Variants in CDC14A observed in about 807,000 individuals in gnomAD.
The protein encoded by CDC14A is cell division cycle 14A.
CDC14A carries 53 observed loss-of-function variants against 74.4 expected under a neutral mutation model. That is an observed-to-expected ratio of 0.71 (90% CI 0.57 to 0.89). The LOEUF (loss-of-function observed/expected upper bound fraction) is 0.89. CDC14A is among the 40% of genes least tolerant of loss of function. The pLI is 0.00. For missense variants in CDC14A, 646 were observed against 713.7 expected, an observed-to-expected ratio of 0.91 and a Z score of 1.08; for synonymous variants, 247 against 258.4, an observed-to-expected ratio of 0.96 and a Z score of 0.43.
Position 100,352,723 on chromosome 1 carries a change from G to T in CDC14A, c.-232G>T. On this transcript the variant is annotated 5_prime_UTR_variant, in exon 1 of 16. Transcript: ENST00000336454. ...TCCAAATAGGAGCGGCCACAGCCAG[G>T]GGCGTGAGCGCCCCGCGCGGAGCGA... 1 of 1,390,926 alleles carries T rather than the reference G, an allele frequency of 7.2e-7. No homozygotes were observed. The highest frequency in any genetic ancestry group is 9.3e-7 in the Non-Finnish European group (1 of 1,077,364). The allele number at this position is 1,390,926 out of a possible 1,614,324, so 86.2% of individuals were successfully genotyped here.
At chr1:100,363,938 C>T (rs1653166175) in intron 2 of CDC14A, among the ~76,000 whole-genome samples, 1 of 152,056 alleles carries the variant, frequency 6.6e-6, no homozygotes, top group East Asian at 1.9e-4. Flanking sequence ...GCAGATTGCT[C>T]GAGCAACATG....
intron 8 of CDC14A, among the ~76,000 whole-genome samples, chr1:100,458,529 C>T (rs757304588): frequency 6.6e-6 from 1 of 152,102 alleles, no homozygotes; most frequent in Non-Finnish European, 1.5e-5. Flanking sequence ...TAAAATATTG[C>T]TATTTTACTG....
At chr1:100,475,820 C>T (rs779093985) in intron 10 of CDC14A, among the ~76,000 whole-genome samples, 28 of 152,134 alleles carry the variant, frequency 1.8e-4, no homozygotes, top group Non-Finnish European at 2.9e-4. Flanking sequence ...CTGGTCACTG[C>T]CTGGTTGAGG....
At chr1:100,447,047 A>G (rs1665626335) in intron 7 of CDC14A, among the ~76,000 whole-genome samples, 2 of 152,132 alleles carry the variant, frequency 1.3e-5, no homozygotes, top group Admixed American at 1.3e-4. Flanking sequence ...GACTAGCCAT[A>G]TTTCAAGTGC....
At position 100,498,093 on chromosome 1, in the gene CDC14A, C is replaced by T; in HGVS notation, c.1307C>T (p.Ser436Leu). Residue 436 changes from serine (S) to leucine (L), a missense_variant, in exon 14 of 16, where the codon TCA becomes TTA. Physicochemically the swap from Ser to Leu is moderately radical, Grantham distance 145. Coordinates refer to ENST00000336454, the MANE Select transcript of CDC14A (RefSeq NM_003672.4). ...RAVSQPFRLS[S>L]SLQGSAVTLK... ...CATTTTTCTCCGCAAAGATTAAGTT[C>T]ATCCCTGCAAGGATCTGCAGTTACT... 1.2e-6 allele frequency: 2 copies of T among 1,612,086 alleles called. No homozygotes were observed. Among genetic ancestry groups the T allele is most frequent in the Non-Finnish European group, 1.7e-6 (2 of 1,179,458 alleles).
chr1:100,474,178 T>G (rs555609173), intron 10 of CDC14A, among the ~76,000 whole-genome samples: 1 of 152,358 alleles, frequency 6.6e-6, no homozygotes, highest in South Asian at 2.1e-4. Context: ...GAAGAAGGCT[T>G]ATGTCCCTGG....
intron 8 of CDC14A, among the ~76,000 whole-genome samples, chr1:100,459,942 A>G (rs1375347703): frequency 3.3e-5 from 5 of 152,212 alleles, no homozygotes; most frequent in Non-Finnish European, 5.9e-5. Context: ...TCATGTTCAT[A>G]TCATGTTCTC....
chr1:100,503,242 A>C (rs1648938912), intron 15 of CDC14A, among the ~76,000 whole-genome samples: 1 of 152,224 alleles, frequency 6.6e-6, no homozygotes, highest in South Asian at 2.1e-4. Flanking sequence ...AAATAAGATC[A>C]TACTTCTAGT....
rs766573719 is a variant in CDC14A at position 100,499,188 on chromosome 1, C to T, written c.1681C>T (p.His561Tyr). Reference protein sequence around the residue: ...PGPHSAKTEEHTTILRPSYTG... With the variant: ...PGPHSAKTEEYTTILRPSYTG... ...CCCCCACAGCGCCAAGACAGAGGAG[C>T]ACACCACCATCCTCCGACCCTCCTA... Residue 561 changes from histidine (H) to tyrosine (Y), a missense_variant, in exon 15 of 16, where the codon CAC (histidine) becomes TAC (tyrosine). Transcript: ENST00000336454. The T allele has an allele frequency of 6.2e-7, 1 of 1,614,148 alleles. No homozygotes were observed. Among genetic ancestry groups the T allele is most frequent in the South Asian group, 1.1e-5 (1 of 91,074 alleles).
intron 5 of CDC14A, among the ~76,000 whole-genome samples, chr1:100,437,606 GC>G (rs1274238747): frequency 1.3e-5 from 2 of 152,126 alleles, no homozygotes; most frequent in African/African-American, 4.8e-5. Context: ...CTGTCGGATG[GC>G]ATGTTAACTT....
chr1:100,488,430 C>G (rs907390658), intron 11 of CDC14A, among the ~76,000 whole-genome samples: 1 of 152,174 alleles, frequency 6.6e-6, no homozygotes, highest in African/African-American at 2.4e-5. Flanking sequence ...CTCAGCCACC[C>G]TCCCGGGAGG....
At chr1:100,505,047 C>CAAATTT in intron 15 of CDC14A, 1 of 1,027,758 alleles carries the variant, frequency 9.7e-7, no homozygotes, top group South Asian at 2.2e-5. Context: ...GAATTGTCTC[C>CAAATTT]AAATTTAAAC....
At chr1:100,418,053 T>C (rs760273807) in intron 4 of CDC14A, among the ~76,000 whole-genome samples, 4 of 152,186 alleles carry the variant, frequency 2.6e-5, no homozygotes, top group Non-Finnish European at 5.9e-5. Context: ...TGTGTGACCT[T>C]GAGCAACTAA....
Position 100,390,742 on chromosome 1 carries a change from T to G in CDC14A, c.227T>G (p.Leu76Trp), listed in dbSNP as rs1224374307. Reference protein sequence around the residue: ...KLNKKLKSYSLSRKKIVHYTC... With the variant: ...KLNKKLKSYSWSRKKIVHYTC... ...ATCTCCTCTTTCTAGTCATACAGTT[T>G]GTCAAGAAAGAAAATAGTGCACTAC... The change falls in exon 4 of 16, where the codon TTG becomes TGG. Residue 76 changes from leucine to tryptophan, a missense_variant. Physicochemically the swap from Leu to Trp is moderately conservative, Grantham distance 61. Coordinates refer to ENST00000336454, the MANE Select transcript of CDC14A (RefSeq NM_003672.4). 3 of 1,609,386 alleles carry G rather than the reference T, an allele frequency of 1.9e-6. No individual in the cohort carries two copies. The highest frequency in any genetic ancestry group is 2.6e-6 in the Non-Finnish European group (3 of 1,176,310).
intron 10 of CDC14A, among the ~76,000 whole-genome samples, chr1:100,481,673 C>T (rs1005960937): frequency 3.9e-5 from 6 of 152,196 alleles, no homozygotes; most frequent in Non-Finnish European, 8.8e-5. Flanking sequence ...CCAGCACTGG[C>T]TATACTTCTT....
rs1295586658 is a variant in CDC14A at position 100,424,252 on chromosome 1, G to C, written c.340G>C (p.Ala114Pro). ...CTATTTAAAGAAGACACCAGAAGAA[G>C]CCTACAGAGCACTCCTGTCTGGCTC... ...VIYLKKTPEEAYRALLSGSNP... is the reference protein window; with the variant it reads ...VIYLKKTPEEPYRALLSGSNP... The change falls in exon 5 of 16, where the codon GCC (alanine) becomes CCC (proline). Residue 114 changes from alanine (A) to proline (P), a missense_variant. Transcript: ENST00000336454. 1 of 1,613,376 alleles carries C rather than the reference G, an allele frequency of 6.2e-7. No homozygotes were observed. The highest frequency in any genetic ancestry group is 1.7e-5 in the Admixed American group (1 of 60,014).
chr1:100,510,405 T>C (rs1458689909), intron 15 of CDC14A, among the ~76,000 whole-genome samples: 1 of 152,246 alleles, frequency 6.6e-6, no homozygotes, highest in Non-Finnish European at 1.5e-5. Flanking sequence ...GTTATCTTTA[T>C]TTTTGTTCAC....
At chr1:100,370,510 G>A (rs1337456552) in intron 2 of CDC14A, among the ~76,000 whole-genome samples, 2 of 152,180 alleles carry the variant, frequency 1.3e-5, no homozygotes, top group Admixed American at 6.5e-5. Flanking sequence ...TAGGAGACCA[G>A]TTTCATTCTT....
chr1:100,379,644 A>G (rs887412624), intron 3 of CDC14A, among the ~76,000 whole-genome samples: 1 of 152,238 alleles, frequency 6.6e-6, no homozygotes, highest in African/African-American at 2.4e-5. Flanking sequence ...ATTAGAAAAC[A>G]TGTCTTAGTC....
Sources: allele counts gnomAD v4.1 joint callset (sites outside exome capture counted in the v4.1 genomes callset), GRCh38; gene constraint gnomAD v4.1.1; transcripts MANE v1.5; gene names NCBI Gene and HGNC (gene_info 2026-07-23, HGNC 2026-07-21).